The following GRK7 variants were observed in gnomAD, a reference collection of about 807,000 sequenced individuals.
GRK7 encodes the protein G protein-coupled receptor kinase 7, also known as rhodopsin kinase GRK7.
GRK7 carries 24 observed loss-of-function variants against 34.1 expected under a neutral mutation model. That is an observed-to-expected ratio of 0.70 (90% CI 0.51 to 0.99). The LOEUF (loss-of-function observed/expected upper bound fraction) is 0.99, where lower values mean the gene tolerates loss of function less well. GRK7 is among the 50% of genes least tolerant of loss of function. The pLI, the probability that GRK7 is intolerant of heterozygous loss-of-function variation, is 0.00. For missense variants in GRK7, 644 were observed against 707.3 expected, an observed-to-expected ratio of 0.91 and a Z score of 1.02; for synonymous variants, 256 against 279.4, an observed-to-expected ratio of 0.92 and a Z score of 0.84.
In GRK7 at chr3:141,808,021, T is replaced by C; in HGVS notation, c.1325+102T>C. On this transcript the variant is annotated intron_variant, in intron 5 of 5. Coordinates refer to ENST00000682958, the MANE Select transcript of GRK7 (RefSeq NM_139209.3). ...GGCAAAGTCTTGGAATTAAGTATTA[T>C]GATTTTCTTATTTTTATTTGCATAT... The C allele has an allele frequency of 3.7e-6, 4 of 1,074,498 alleles. No homozygotes were observed. The South Asian group carries it at 6.6e-5, about 18-fold the overall frequency. 66.6% of individuals were successfully genotyped at this position (1,074,498 alleles called of 1,614,324 possible).
At chr3:141,811,609 T>A (rs963022062) in intron 5 of GRK7, among the ~76,000 whole-genome samples, 1 of 152,058 alleles carries the variant, frequency 6.6e-6, no homozygotes, top group Admixed American at 6.6e-5. Flanking sequence ...CTTCCAACAT[T>A]TTTTTTTCTT....
Position 141,778,587 on chromosome 3 carries a change from C to T in GRK7, c.303C>T (p.Thr101=), listed in dbSNP as rs756403402. ...GGGAGCTGGCCGAGGAGGGACCCAC[C>T]AAAGACAGCGCGCTGCAGGGGCTGG... The part of the protein sequence containing the change: ...QNWELAEEGP[T]KDSALQGLVA... Residue 101 remains threonine, a synonymous_variant, in exon 3 of 6, where the codon ACC becomes ACT. Coordinates refer to ENST00000682958, the MANE Select transcript of GRK7 (RefSeq NM_139209.3). This position sits in a 1 kb window ranked among gnomAD's most constrained non-coding sequence, Gnocchi z 4.1. 33 of 1,613,122 alleles carry T rather than the reference C, an allele frequency of 2.0e-5. No homozygotes were observed. The highest frequency in any genetic ancestry group is 2.7e-5 in the Non-Finnish European group (32 of 1,179,740).
chr3:141,758,781 C>T (rs200647828), upstream of GRK7, among the ~76,000 whole-genome samples: 1 of 149,614 alleles, frequency 6.7e-6, no homozygotes, highest in Non-Finnish European at 1.5e-5. Flanking sequence ...TTCTTCCAAC[C>T]CATGAGCATG....
intron 1 of GRK7, among the ~76,000 whole-genome samples, chr3:141,767,485 T>TCCAGCCC (rs1377812443): frequency 1.3e-5 from 2 of 151,866 alleles, no homozygotes; most frequent in African/African-American, 4.8e-5. Context: ...CACTCCAGCC[T>TCCAGCCC]CCAGCCCCCA....
chr3:141,781,677 T>C (rs376639463), intron 4 of GRK7, among the ~76,000 whole-genome samples: 38 of 152,298 alleles, frequency 2.5e-4, no homozygotes, highest in African/African-American at 9.1e-4. Flanking sequence ...ATGTTTTGCA[T>C]TGGATGAAGA....
At chr3:141,759,482 A>G (rs1005248027), upstream of GRK7, among the ~76,000 whole-genome samples, 4 of 144,350 alleles carry the variant, frequency 2.8e-5, no homozygotes, top group African/African-American at 5.2e-5. Flanking sequence ...ATATTGAACC[A>G]TCCTTGCATC....
At chr3:141,810,254 ATC>A (rs1299247714) in intron 5 of GRK7, among the ~76,000 whole-genome samples, 2 of 134,434 alleles carry the variant, frequency 1.5e-5, no homozygotes, top group Non-Finnish European at 3.2e-5. Flanking sequence ...AAATCAATCA[ATC>A]TCTCTCTTTC....
rs1427560790 is a variant in GRK7 at position 141,788,617 on chromosome 3, A to G, written c.1050+7806A>G. On this transcript the variant is annotated intron_variant, in intron 4 of 5. Coordinates refer to ENST00000682958, the MANE Select transcript of GRK7 (RefSeq NM_139209.3). ...AGTGACTCCGGGAGGTGCTTCAAGG[A>G]TGGAAAGGAGCAGGTCTGCCCAGGT... is the stretch of plus-strand genomic sequence containing the variant. Among the ~76,000 whole-genome samples the G allele has an allele frequency of 3.9e-5, 6 of 152,100 alleles. No individual in the cohort carries two copies. The East Asian group carries it at 7.7e-4, about 20-fold the overall frequency.
the GRK7 span, among the ~76,000 whole-genome samples, chr3:141,751,018 A>G: frequency 6.6e-6 from 1 of 152,212 alleles, no homozygotes; most frequent in Admixed American, 6.5e-5. Flanking sequence ...ACTGCACTCC[A>G]GGCTGGGCAA....
intron 4 of GRK7, among the ~76,000 whole-genome samples, chr3:141,796,938 A>G (rs756977582): frequency 2.6e-5 from 4 of 152,120 alleles, no homozygotes; most frequent in Non-Finnish European, 4.4e-5. Context: ...TTTTGGGTCG[A>G]CACCCAATCT....
intron 4 of GRK7, among the ~76,000 whole-genome samples, chr3:141,794,742 G>C (rs1273209650): frequency 1.3e-5 from 2 of 152,214 alleles, no homozygotes; most frequent in African/African-American, 4.8e-5. Flanking sequence ...GGGAGTAGTG[G>C]AGACAGAACG....
chr3:141,800,767 G>C (rs760306145), intron 4 of GRK7, among the ~76,000 whole-genome samples: 3 of 152,146 alleles, frequency 2.0e-5, no homozygotes, highest in African/African-American at 7.2e-5. Flanking sequence ...AAATCAAAAA[G>C]TGTTTGCCTG....
Position 141,778,374 on chromosome 3 carries a change from G to T in GRK7, c.90G>T (p.Leu30=). Residue 30 remains leucine, a synonymous_variant, in exon 3 of 6, where the codon CTG becomes CTT. Transcript: ENST00000682958. This position sits in a 1 kb window ranked among gnomAD's most constrained non-coding sequence, Gnocchi z 4.1. The stretch of plus-strand genomic sequence containing the variant: ...CCTCGGACTGCGACAGCAAAGAGCT[G>T]CAGCGGCGGCGGCGTAGCCTGGCCC... ...RKPSDCDSKE[L]QRRRRSLALP... 1 of 1,611,562 alleles carries T rather than the reference G, an allele frequency of 6.2e-7. No homozygotes were observed.
chr3:141,797,488 G>A (rs1710902907), intron 4 of GRK7, among the ~76,000 whole-genome samples: 1 of 152,368 alleles, frequency 6.6e-6, no homozygotes, highest in South Asian at 2.1e-4. Flanking sequence ...AGGAAGGAAG[G>A]AGAGAGCCCC....
intron 4 of GRK7, 23 bp from the exon 5 acceptor site, chr3:141,807,621 TG>T (rs772370456): frequency 6.2e-7 from 1 of 1,608,612 alleles, no homozygotes; most frequent in Non-Finnish European, 8.5e-7. Flanking sequence ...TGTGTTGTCT[TG>T]TTTTTTGTTT....
At chr3:141,788,778 C>T (rs970170860) in intron 4 of GRK7, among the ~76,000 whole-genome samples, 1 of 152,190 alleles carries the variant, frequency 6.6e-6, no homozygotes, top group African/African-American at 2.4e-5. Context: ...CTTAAGACGT[C>T]TCTGCAATTG....
At chr3:141,804,945 A>C (rs1559847103) in intron 4 of GRK7, among the ~76,000 whole-genome samples, 1 of 150,736 alleles carries the variant, frequency 6.6e-6, no homozygotes, top group Non-Finnish European at 1.5e-5. Flanking sequence ...ATACACTCAC[A>C]TACACACATA....
the GRK7 span, among the ~76,000 whole-genome samples, chr3:141,754,040 G>GCATA: frequency 6.6e-6 from 1 of 152,248 alleles, no homozygotes; most frequent in Non-Finnish European, 1.5e-5. Flanking sequence ...AGATAATGGT[G>GCATA]CATAATATAA....
intron 4 of GRK7, among the ~76,000 whole-genome samples, chr3:141,799,676 C>A (rs1710931231): frequency 6.6e-6 from 1 of 151,912 alleles, no homozygotes; most frequent in Non-Finnish European, 1.5e-5. Context: ...CAAGATTTAA[C>A]CTCTCTATGG....
Sources: allele counts gnomAD v4.1 joint callset (sites outside exome capture counted in the v4.1 genomes callset), GRCh38; gene constraint gnomAD v4.1.1; non-coding constraint Gnocchi (gnomAD v3.1); transcripts MANE v1.5; gene names NCBI Gene and HGNC (gene_info 2026-07-23, HGNC 2026-07-21).